LIPK: variants seen among roughly 807,000 people sequenced by gnomAD.
LIPK encodes the protein lipase family member K, also known as lipase member K.
A neutral mutation model predicts 48.6 loss-of-function variants in LIPK; 32 were observed. The observed-to-expected ratio is 0.66, with a 90% CI of 0.50 to 0.88. The LOEUF is 0.88. Ranked by LOEUF, LIPK falls within the 40% of genes least tolerant of loss-of-function variation. LIPK has a pLI of 0.00. For synonymous variants in LIPK, 164 were observed against 157.4 expected, an observed-to-expected ratio of 1.04 and a Z score of -0.32; for missense variants, 507 against 478.5, an observed-to-expected ratio of 1.06 and a Z score of -0.56.
In LIPK at chr10:88,731,123, A is replaced by T. The variant is rs1180263425; in HGVS notation, c.364A>T (p.Thr122Ser). Residue 122 changes from threonine to serine, a missense_variant, in exon 4 of 10, where the codon ACT becomes TCT. Transcript: ENST00000404190. ...GTGGTTGGGGAACAGCCGAGGAAACACTTGGTCCAGAAAACACCTTAAATT... is the reference window on the plus strand; with the variant it reads ...GTGGTTGGGGAACAGCCGAGGAAACTCTTGGTCCAGAAAACACCTTAAATT... ...DVWLGNSRGN[T>S]WSRKHLKLSP... 5 of 1,605,034 alleles carry T rather than the reference A, an allele frequency of 3.1e-6. No individual in the cohort carries two copies.
chr10:88,741,705 T>A (rs1178023616), intron 8 of LIPK, among the ~76,000 whole-genome samples: 1 of 152,030 alleles, frequency 6.6e-6, no homozygotes, highest in Non-Finnish European at 1.5e-5. Context: ...GTAATACTAG[T>A]GAAAAAAAGC....
At chr10:88,711,567 G>C (rs1164418876) in intron 1 of LIPK, among the ~76,000 whole-genome samples, 1 of 152,154 alleles carries the variant, frequency 6.6e-6, no homozygotes, top group Non-Finnish European at 1.5e-5. Flanking sequence ...CCACCTCCTG[G>C]GTTCAAGTGA....
At chr10:88,713,496 T>C (rs1842061537) in intron 1 of LIPK, among the ~76,000 whole-genome samples, 1 of 152,358 alleles carries the variant, frequency 6.6e-6, no homozygotes, top group South Asian at 2.1e-4. Context: ...CATAGTTTTA[T>C]GAACTATCTA....
chr10:88,729,595 GA>G (rs1188408912), intron 3 of LIPK, among the ~76,000 whole-genome samples: 1 of 152,164 alleles, frequency 6.6e-6, no homozygotes. Flanking sequence ...TGTACAATGA[GA>G]AACTCTTTTT....
intron 9 of LIPK, among the ~76,000 whole-genome samples, chr10:88,748,827 G>A (rs383115): frequency 0.24 from 36,435 of 151,848 alleles, 4,525 homozygotes; most frequent in East Asian, 0.37. Context: ...AATGGCATTC[G>A]AATAGGAAGA....
chr10:88,706,891 TTGAC>T (rs1841945510), intron 1 of LIPK, among the ~76,000 whole-genome samples: 9 of 152,076 alleles, frequency 5.9e-5, no homozygotes, highest in Admixed American at 5.9e-4. Context: ...AATAAATAGT[TTGAC>T]TGGGAGAGGA....
chr10:88,728,169 GCC>G, intron 3 of LIPK: 1 of 200,216 alleles, frequency 5.0e-6, no homozygotes, highest in Non-Finnish European at 1.0e-5. Flanking sequence ...TAAAAGGGCT[GCC>G]CCAGGAGAAG....
chr10:88,751,828 C>T (rs1469000323), intron 9 of LIPK, among the ~76,000 whole-genome samples: 1 of 152,108 alleles, frequency 6.6e-6, no homozygotes, highest in Non-Finnish European at 1.5e-5. Flanking sequence ...ATGGCTATGG[C>T]AAAAAGTTCT....
intron 6 of LIPK, among the ~76,000 whole-genome samples, chr10:88,734,056 A>G (rs1446312029): frequency 6.6e-6 from 1 of 152,172 alleles, no homozygotes; most frequent in Non-Finnish European, 1.5e-5. Context: ...CAAATCTATA[A>G]CTTTAGAATG....
chr10:88,737,851 AT>A, intron 7 of LIPK, 70 bp downstream of exon 7: 1 of 1,510,628 alleles, frequency 6.6e-7, no homozygotes, highest in Non-Finnish European at 9.1e-7. Context: ...GTTATCCTGG[AT>A]TGTATGGCAA....
intron 1 of LIPK, among the ~76,000 whole-genome samples, chr10:88,715,715 CT>C (rs1199327390): frequency 2.0e-5 from 3 of 151,606 alleles, no homozygotes; most frequent in Non-Finnish European, 4.4e-5. Flanking sequence ...CTCTTTCTTC[CT>C]TTTCTTTCTT....
rs118183719 is a variant in LIPK at position 88,738,164 on chromosome 10, A to G, written c.816+383A>G. 6.5e-3 allele frequency among the ~76,000 whole-genome samples: 990 copies of G among 152,320 alleles called. 5 individuals are homozygous for G. The highest frequency in any genetic ancestry group is 0.011 in the Non-Finnish European group (758 of 68,022). On this transcript the variant is annotated intron_variant, in intron 7 of 9. Transcript: ENST00000404190. ...TTCCACTTTCACAGTTGATTTGGAAAGTTATTTTGTGAACAACTTACTTCC... is the reference window on the plus strand; with the variant it reads ...TTCCACTTTCACAGTTGATTTGGAAGGTTATTTTGTGAACAACTTACTTCC...
At chr10:88,745,966 C>CA (rs1471928441) in intron 9 of LIPK, among the ~76,000 whole-genome samples, 1 of 152,106 alleles carries the variant, frequency 6.6e-6, no homozygotes, top group Non-Finnish European at 1.5e-5. Flanking sequence ...GAAAAAAGAC[C>CA]AGGGGTTGCT....
At chr10:88,734,750 C>G (rs1166102461) in intron 6 of LIPK, among the ~76,000 whole-genome samples, 3 of 152,106 alleles carry the variant, frequency 2.0e-5, no homozygotes, top group African/African-American at 7.2e-5. Context: ...GTTAACACAT[C>G]AGCTGATAGA....
chr10:88,729,264 G>GA (rs1842417496), intron 3 of LIPK, among the ~76,000 whole-genome samples: 2 of 118,444 alleles, frequency 1.7e-5, no homozygotes, highest in South Asian at 7.2e-4. Context: ...GGGGGGGGGG[G>GA]CGGGGGAAGA....
At chr10:88,708,181 C>T (rs1258159706) in intron 1 of LIPK, among the ~76,000 whole-genome samples, 1 of 152,044 alleles carries the variant, frequency 6.6e-6, no homozygotes, top group Non-Finnish European at 1.5e-5. Flanking sequence ...CTGAACTTTG[C>T]CCCTAAGAAG....
intron 9 of LIPK, among the ~76,000 whole-genome samples, chr10:88,745,363 T>C (rs916008042): frequency 2.0e-5 from 3 of 151,606 alleles, no homozygotes; most frequent in Non-Finnish European, 4.4e-5. Flanking sequence ...AAAGAAAAAA[T>C]ATTAAAGGCA....
intron 7 of LIPK, among the ~76,000 whole-genome samples, chr10:88,738,180 A>G (rs1235257722): frequency 6.6e-6 from 1 of 152,224 alleles, no homozygotes; most frequent in Non-Finnish European, 1.5e-5. Context: ...TTTGTGAACA[A>G]CTTACTTCCT....
intron 1 of LIPK, among the ~76,000 whole-genome samples, chr10:88,713,907 G>A (rs922019127): frequency 2.2e-4 from 34 of 151,792 alleles, no homozygotes; most frequent in African/African-American, 7.5e-4. Context: ...CCAAGACCAT[G>A]CCATTGCACT....
Sources: gnomAD v4.1 joint callset for allele counts (sites outside exome capture counted in the v4.1 genomes callset) on GRCh38, gnomAD v4.1.1 for gene constraint, MANE v1.5 for transcripts, NCBI Gene and HGNC (gene_info 2026-07-23, HGNC 2026-07-21) for gene names.